Variants in SFSWAP observed in about 807,000 individuals in gnomAD.
The protein encoded by SFSWAP is splicing factor SWAP.
In SFSWAP, 17 loss-of-function variants were observed where a neutral mutation model predicts 100.7. That is an observed-to-expected ratio of 0.17 (90% CI 0.12 to 0.25). The LOEUF (loss-of-function observed/expected upper bound fraction) is 0.25, where lower values mean the gene tolerates loss of function less well. Ranked by LOEUF, SFSWAP falls within the 10% of genes least tolerant of loss-of-function variation. SFSWAP has a pLI of 1.00. For synonymous variants in SFSWAP, 504 were observed against 510.1 expected, an observed-to-expected ratio of 0.99 and a Z score of 0.16; for missense variants, 1,005 against 1,262.6, an observed-to-expected ratio of 0.80 and a Z score of 3.09.
At chr12:131,795,457 CTCTG>C (rs946783029) in intron 15 of SFSWAP, among the ~76,000 whole-genome samples, 12 of 152,342 alleles carry the variant, frequency 7.9e-5, no homozygotes, top group East Asian at 3.9e-4. Context: ...GCTACCGCAG[CTCTG>C]TCTAAGTTCT....
chr12:131,787,907 G>A (rs568542389), intron 15 of SFSWAP, among the ~76,000 whole-genome samples: 106 of 152,262 alleles, frequency 7.0e-4, no homozygotes, highest in African/African-American at 2.4e-3. Context: ...ACTATAAAGC[G>A]GATAGATACC....
intron 16 of SFSWAP, among the ~76,000 whole-genome samples, chr12:131,798,656 A>G (rs1012169137): frequency 2.6e-5 from 4 of 152,200 alleles, no homozygotes; most frequent in African/African-American, 9.6e-5. Context: ...TTGGGAGGCC[A>G]AGGCGGGTGG....
intron 13 of SFSWAP, among the ~76,000 whole-genome samples, chr12:131,769,439 G>A (rs183630607): frequency 6.6e-6 from 1 of 152,286 alleles, no homozygotes; most frequent in African/African-American, 2.4e-5. Flanking sequence ...TACATTACAT[G>A]ACTATACGTG....
At position 131,726,967 on chromosome 12, in the gene SFSWAP, A is replaced by G; in HGVS notation, c.860A>G (p.Asp287Gly). ...KKSGVSSDNE[D>G]DDDEEDGNYL... ...TCAGGAGTCAGCTCTGACAATGAAG[A>G]TGATGATGATGAAGAAGATGGGAAT... Residue 287 changes from aspartate (D) to glycine (G), a missense_variant, in exon 6 of 18, where the codon GAT becomes GGT. Around this residue, in one of 7 missense-constraint regions of SFSWAP, gnomAD observed 54 missense variants for 51.9 expected, o/e 1.04. Coordinates refer to ENST00000261674, the MANE Select transcript of SFSWAP (RefSeq NM_004592.4). 10 of 1,598,908 alleles carry G rather than the reference A, an allele frequency of 6.3e-6. No homozygotes were observed. The highest frequency in any genetic ancestry group is 7.7e-6 in the Non-Finnish European group (9 of 1,169,068).
Position 131,725,332 on chromosome 12 carries a change from T to C in SFSWAP, c.607-73T>C. On this transcript the variant is annotated intron_variant, in intron 4 of 17. Transcript: ENST00000261674. This position sits in a 1 kb window ranked among gnomAD's most constrained non-coding sequence, Gnocchi z 4.3. ...GACAGTAAAACCAGAGTCATTTCTA[T>C]GTTTTAATGAAATCACGTGGCCGGT... is the stretch of plus-strand genomic sequence containing the variant. 1 of 1,233,296 alleles carries C rather than the reference T, an allele frequency of 8.1e-7. No homozygotes were observed. Among genetic ancestry groups the C allele is most frequent in the Non-Finnish European group, 1.2e-6 (1 of 836,378 alleles). The allele number at this position is 1,233,296 out of a possible 1,614,324, so 76.4% of individuals were successfully genotyped here. A position where few individuals can be genotyped will look rare whatever the true frequency, so the allele number is the denominator to read the frequency against.
chr12:131,786,084 G>T (rs1016354641), intron 14 of SFSWAP, among the ~76,000 whole-genome samples: 2 of 152,214 alleles, frequency 1.3e-5, no homozygotes, highest in Non-Finnish European at 2.9e-5. Context: ...GAGGAAGGAA[G>T]AGGAAGCGCC....
chr12:131,776,556 G>T (rs61942915), intron 13 of SFSWAP, among the ~76,000 whole-genome samples: 1 of 152,278 alleles, frequency 6.6e-6, no homozygotes, highest in Admixed American at 6.5e-5. Context: ...GTGTTTTCCC[G>T]CAGCCAGTTG....
At chr12:131,788,001 C>G (rs1885014860) in intron 15 of SFSWAP, among the ~76,000 whole-genome samples, 1 of 152,240 alleles carries the variant, frequency 6.6e-6, no homozygotes, top group African/African-American at 2.4e-5. Context: ...CATGTCTGCT[C>G]TCATACAATC....
Position 131,711,156 on chromosome 12 carries a change from G to T in SFSWAP, c.-74G>T. On this transcript the variant is annotated 5_prime_UTR_variant, in exon 1 of 18. Transcript: ENST00000261674. The surrounding 1 kb of genome is among the most constrained non-coding windows in gnomAD (Gnocchi z 4.9). ...GGGATGCGGGGTCTTTGACTGAAGG[G>T]GTAGGCCAAGTGGAGGTATCAGGGA... is the stretch of plus-strand genomic sequence containing the variant. 3.2e-6 allele frequency: 4 copies of T among 1,233,542 alleles called. No individual in the cohort carries two copies. Among genetic ancestry groups the T allele is most frequent in the Non-Finnish European group, 2.2e-6 (2 of 898,208 alleles). 76.4% of individuals were successfully genotyped at this position (1,233,542 alleles called of 1,614,324 possible). A position where few individuals can be genotyped will look rare whatever the true frequency, so the allele number is the denominator to read the frequency against.
chr12:131,757,106 T>G (rs897654), intron 11 of SFSWAP: 1 of 154,398 alleles, frequency 6.5e-6, no homozygotes, highest in African/African-American at 2.4e-5. Context: ...CAGACAGGCA[T>G]GTAAAAATAC....
In SFSWAP at chr12:131,711,110, G is replaced by T; in HGVS notation, c.-120G>T. 1 of 768,942 alleles carries T rather than the reference G, an allele frequency of 1.3e-6. No individual in the cohort carries two copies. The highest frequency in any genetic ancestry group is 2.0e-6 in the Non-Finnish European group (1 of 495,370). 47.6% of individuals were successfully genotyped at this position (768,942 alleles called of 1,614,324 possible). ...CCACCATTTTGTGGCCCGCTATGGC[G>T]GCGGTGTTGAGGTTGGGTACGGGAT... On this transcript the variant is annotated 5_prime_UTR_variant, in exon 1 of 18. Transcript: ENST00000261674. This position sits in a 1 kb window ranked among gnomAD's most constrained non-coding sequence, Gnocchi z 4.9.
At position 131,753,382 on chromosome 12, in the gene SFSWAP, G is replaced by A. The variant is rs749233809; in HGVS notation, c.1322+19G>A. Reference sequence around the variant, plus strand: ...CCACAAGGTAGGTGCAGCGTCCACCGCTGCCTGCTGTGTGAGTCACTCAGC... The same window carrying A: ...CCACAAGGTAGGTGCAGCGTCCACCACTGCCTGCTGTGTGAGTCACTCAGC... On this transcript the variant is annotated intron_variant, in intron 8 of 17. Coordinates refer to ENST00000261674, the MANE Select transcript of SFSWAP (RefSeq NM_004592.4). The A allele has an allele frequency of 8.7e-6, 14 of 1,600,246 alleles. No individual in the cohort carries two copies. The highest frequency in any genetic ancestry group is 2.2e-5 in the East Asian group (1 of 44,572).
rs779090220 is a variant in SFSWAP at position 131,728,442 on chromosome 12, G to A, written c.1081+14G>A. 6.2e-7 allele frequency: 1 copy of A among 1,613,076 alleles called. No individual in the cohort carries two copies. The highest frequency in any genetic ancestry group is 8.5e-7 in the Non-Finnish European group (1 of 1,179,236). On this transcript the variant is annotated intron_variant, in intron 7 of 17. Transcript: ENST00000261674. ...ACACGGCAGACTGTGAGTACTCACT[G>A]TGTATGTCCTGACCTGTGTTCAGCT... is the stretch of plus-strand genomic sequence containing the variant.
chr12:131,751,375 C>A (rs1217962548), intron 7 of SFSWAP, among the ~76,000 whole-genome samples: 2 of 152,212 alleles, frequency 1.3e-5, no homozygotes, highest in Non-Finnish European at 2.9e-5. Context: ...GACTGACTGT[C>A]CAGAGCAGGA....
intron 7 of SFSWAP, among the ~76,000 whole-genome samples, chr12:131,751,961 G>A (rs12814215): frequency 0.17 from 26,216 of 152,204 alleles, 2,996 homozygotes; most frequent in Non-Finnish European, 0.25. Context: ...ATGGTGGTTG[G>A]TGTGTAACAT....
At chr12:131,744,250 A>G (rs1241257618) in intron 7 of SFSWAP, among the ~76,000 whole-genome samples, 3 of 152,178 alleles carry the variant, frequency 2.0e-5, no homozygotes, top group Non-Finnish European at 2.9e-5. Flanking sequence ...ATTCTTTTCT[A>G]TTGTCAGACT....
intron 3 of SFSWAP, among the ~76,000 whole-genome samples, chr12:131,718,181 T>G (rs1229262394): frequency 6.6e-6 from 1 of 152,248 alleles, no homozygotes; most frequent in African/African-American, 2.4e-5. Flanking sequence ...CAAGTTTTTG[T>G]ATACCAGGAA....
At chr12:131,770,828 C>A (rs1883527614) in intron 13 of SFSWAP, among the ~76,000 whole-genome samples, 1 of 152,164 alleles carries the variant, frequency 6.6e-6, no homozygotes, top group Non-Finnish European at 1.5e-5. Flanking sequence ...AACTCTGTAG[C>A]CATTAAATAG....
intron 12 of SFSWAP, among the ~76,000 whole-genome samples, chr12:131,764,962 G>A (rs1275576783): frequency 1.3e-5 from 2 of 152,246 alleles, no homozygotes; most frequent in East Asian, 3.8e-4. Flanking sequence ...ACAGTGGAAT[G>A]CATTAATGGC....
Sources: gnomAD v4.1 joint callset for allele counts (sites outside exome capture counted in the v4.1 genomes callset) on GRCh38, gnomAD v4.1.1 for gene constraint, gnomAD v4.1.1 regional missense constraint, Gnocchi (gnomAD v3.1) non-coding constraint, MANE v1.5 for transcripts, NCBI Gene and HGNC (gene_info 2026-07-23, HGNC 2026-07-21) for gene names.